URI1: variants seen among roughly 807,000 people sequenced by gnomAD.
URI1 encodes URI1 prefoldin like chaperone, also known as unconventional prefoldin RPB5 interactor 1.
A neutral mutation model predicts 60.2 loss-of-function variants in URI1; 39 were observed. The observed-to-expected ratio is 0.65, with a 90% CI of 0.50 to 0.85. URI1 has a LOEUF of 0.85. URI1 is among the 40% of genes least tolerant of loss of function. The probability of loss-of-function intolerance (pLI) is 0.00; values close to 1 mark genes in which losing one functional copy is unlikely to be tolerated. For synonymous variants in URI1, 251 were observed against 236.8 expected (o/e 1.06, Z -0.55); for missense variants, 691 against 665.9 (o/e 1.04, Z -0.42).
intron 1 of URI1, among the ~76,000 whole-genome samples, chr19:29,931,648 C>T (rs2054918277): frequency 6.6e-6 from 1 of 152,180 alleles, no homozygotes; most frequent in Non-Finnish European, 1.5e-5. Flanking sequence ...TCCATGAAGG[C>T]AAGATGTTCT....
At chr19:30,003,084 T>C (rs1156356651) in intron 4 of URI1, among the ~76,000 whole-genome samples, 2 of 152,038 alleles carry the variant, frequency 1.3e-5, no homozygotes, top group African/African-American at 2.4e-5. Flanking sequence ...CTCAGAGTTA[T>C]AGAAAGAAAT....
At chr19:29,952,476 A>G (rs2055192107) in intron 1 of URI1, among the ~76,000 whole-genome samples, 1 of 152,206 alleles carries the variant, frequency 6.6e-6, no homozygotes, top group Non-Finnish European at 1.5e-5. Flanking sequence ...AACATTCACT[A>G]AGTTCAGATG....
Position 29,945,737 on chromosome 19 carries a change from G to C in URI1, c.117+3073G>C, listed in dbSNP as rs140867175. Among the ~76,000 whole-genome samples the C allele has an allele frequency of 1.2e-3, 181 of 152,160 alleles. 2 individuals are homozygous for C. The highest frequency in any genetic ancestry group is 4.1e-3 in the African/African-American group (172 of 41,488). ...TACGTAGGCATTGAAAACTAGGACA[G>C]TATGTATAGGGTGGTTCCAGTTACG... is the stretch of plus-strand genomic sequence containing the variant. On this transcript the variant is annotated intron_variant, in intron 1 of 10. Coordinates refer to ENST00000392271, the MANE Select transcript of URI1 (RefSeq NM_003796.3).
chr19:29,988,801 A>G (rs2055706346), intron 4 of URI1, among the ~76,000 whole-genome samples: 1 of 152,204 alleles, frequency 6.6e-6, no homozygotes, highest in South Asian at 2.1e-4. Flanking sequence ...GTAAATACCT[A>G]CAAGTGAGAT....
At chr19:30,010,729 A>T (rs1354778870) in intron 8 of URI1, among the ~76,000 whole-genome samples, 1 of 152,136 alleles carries the variant, frequency 6.6e-6, no homozygotes, top group Non-Finnish European at 1.5e-5. Flanking sequence ...TTCTTACTGA[A>T]TTTTTGTTTA....
rs570611782 is a variant in URI1 at position 29,927,190 on chromosome 19, G to A, written c.63+3436G>A. On this transcript the variant is annotated intron_variant, in intron 1 of 10. Coordinates refer to the URI1 transcript ENST00000360605. The stretch of plus-strand genomic sequence containing the variant: ...AGACTTTATTCCAGTGGTAGCTGTG[G>A]TGGTCTTCACATAGGATCACAAATT... 3.6e-4 allele frequency among the ~76,000 whole-genome samples: 55 copies of A among 152,180 alleles called. 1 individual carries two copies. In the South Asian group the frequency reaches 0.011, roughly 31 times the overall value.
chr19:29,977,694 G>A (rs1300518569), intron 2 of URI1, among the ~76,000 whole-genome samples: 1 of 150,688 alleles, frequency 6.6e-6, no homozygotes, highest in Admixed American at 6.7e-5. Flanking sequence ...AATCATATAT[G>A]TCAAATCTTG....
intron 1 of URI1, among the ~76,000 whole-genome samples, chr19:29,936,101 T>C (rs1346808595): frequency 6.6e-6 from 1 of 150,848 alleles, no homozygotes; most frequent in East Asian, 2.0e-4. Context: ...AAAAAATTTT[T>C]TTTTGAGATG....
At chr19:30,014,807 A>G (rs895373764) in intron 10 of URI1, 80 bp from the exon 11 acceptor site, 4 of 1,377,878 alleles carry the variant, frequency 2.9e-6, no homozygotes, top group African/African-American at 2.9e-5. Context: ...AATGAAAAGA[A>G]TTGCCAAATG....
At chr19:29,926,291 C>CCTTCCCACCT (rs1491264929) in intron 1 of URI1, among the ~76,000 whole-genome samples, 1 of 127,248 alleles carries the variant, frequency 7.9e-6, no homozygotes. Flanking sequence ...TTCCTACCTT[C>CCTTCCCACCT]TTTCCTTCAA....
chr19:29,995,604 T>C (rs2055802005), intron 4 of URI1, among the ~76,000 whole-genome samples: 1 of 152,048 alleles, frequency 6.6e-6, no homozygotes, highest in South Asian at 2.1e-4. Context: ...CTTGATAATG[T>C]TGTTTGATGC....
chr19:29,981,238 CCTAT>C (rs1200135234), intron 2 of URI1, among the ~76,000 whole-genome samples: 14 of 152,196 alleles, frequency 9.2e-5, no homozygotes, highest in Admixed American at 4.6e-4. Context: ...ATCTTGATCA[CCTAT>C]CTGTCTGTAC....
At chr19:30,007,074 A>AT (rs1266733605) in intron 6 of URI1, among the ~76,000 whole-genome samples, 2 of 152,044 alleles carry the variant, frequency 1.3e-5, no homozygotes, top group African/African-American at 4.8e-5. Context: ...GTAAATGGAA[A>AT]TTTATCATTT....
chr19:29,947,760 C>G (rs1446763687), intron 1 of URI1, among the ~76,000 whole-genome samples: 1 of 152,210 alleles, frequency 6.6e-6, no homozygotes, highest in Non-Finnish European at 1.5e-5. Flanking sequence ...GGAGCACTTA[C>G]AGTGGTGTCT....
intron 1 of URI1, among the ~76,000 whole-genome samples, chr19:29,954,999 C>T (rs1451506124): frequency 1.3e-5 from 2 of 151,816 alleles, no homozygotes; most frequent in Non-Finnish European, 1.5e-5. Context: ...AGATATTCCT[C>T]ATCATTTTTT....
At chr19:29,941,664 C>T (rs959917423), upstream of URI1, among the ~76,000 whole-genome samples, 1 of 151,408 alleles carries the variant, frequency 6.6e-6, no homozygotes, top group Non-Finnish European at 1.5e-5. Flanking sequence ...GCAAAGTTAT[C>T]CTTGGAAAAT....
chr19:30,000,802 G>A (rs1267205796), intron 4 of URI1, among the ~76,000 whole-genome samples: 1 of 151,906 alleles, frequency 6.6e-6, no homozygotes. Flanking sequence ...CCTTTTTTGA[G>A]TGGAGGCTTA....
chr19:29,967,708 A>G (rs536344912), intron 1 of URI1, among the ~76,000 whole-genome samples: 7 of 152,206 alleles, frequency 4.6e-5, no homozygotes, highest in Non-Finnish European at 1.0e-4. Context: ...AGTAAGCCGC[A>G]TGATGGTTGG....
intron 4 of URI1, 89 bp downstream of exon 4, chr19:29,986,506 A>G: frequency 1.4e-6 from 2 of 1,470,272 alleles, no homozygotes; most frequent in Non-Finnish European, 1.8e-6. Context: ...TACCAAAAGT[A>G]CCTTCCGTGA....
Sources: gnomAD v4.1 joint callset for allele counts (sites outside exome capture counted in the v4.1 genomes callset) on GRCh38, gnomAD v4.1.1 for gene constraint, MANE v1.5 for transcripts, NCBI Gene and HGNC (gene_info 2026-07-23, HGNC 2026-07-21) for gene names.